Variants in RIMS1 observed in about 807,000 individuals in gnomAD.
The protein encoded by RIMS1 is regulating synaptic membrane exocytosis 1.
Under a neutral mutation model 214.1 loss-of-function variants are expected in RIMS1, and 83 were observed. That is an observed-to-expected ratio of 0.39 (90% CI 0.32 to 0.47). The LOEUF is 0.47. RIMS1 is among the 20% of genes least tolerant of loss of function. RIMS1 has a pLI of 0.99. For missense variants in RIMS1, 2,050 were observed against 2,161.8 expected, an observed-to-expected ratio of 0.95 and a Z score of 1.03; for synonymous variants, 793 against 786.8, an observed-to-expected ratio of 1.01 and a Z score of -0.13.
intron 4 of RIMS1, among the ~76,000 whole-genome samples, chr6:72,178,811 T>A (rs758824457): frequency 4.6e-5 from 7 of 152,182 alleles, no homozygotes; most frequent in Non-Finnish European, 1.0e-4. Flanking sequence ...AGACATATAG[T>A]TTATTTTAAG....
chr6:71,950,254 G>A (rs183557222), intron 1 of RIMS1, among the ~76,000 whole-genome samples: 15 of 152,172 alleles, frequency 9.9e-5, no homozygotes, highest in South Asian at 2.1e-4. Context: ...AAGTCTTTTG[G>A]GTGATACAAG....
At chr6:72,384,061 A>G (rs2098543477) in intron 29 of RIMS1, among the ~76,000 whole-genome samples, 1 of 152,110 alleles carries the variant, frequency 6.6e-6, no homozygotes, top group Non-Finnish European at 1.5e-5. Flanking sequence ...TCCATCAGAG[A>G]CTGCTTTGGC....
At chr6:72,382,663 C>A (rs543942777) in intron 29 of RIMS1, among the ~76,000 whole-genome samples, 1 of 152,170 alleles carries the variant, frequency 6.6e-6, no homozygotes, top group African/African-American at 2.4e-5. Flanking sequence ...GTGTTTACTT[C>A]TCTGGCTTCA....
At chr6:72,291,863 A>G (rs974714543) in intron 25 of RIMS1, 71 bp from the exon 26 acceptor site, 13 of 1,111,246 alleles carry the variant, frequency 1.2e-5, no homozygotes, top group Non-Finnish European at 1.6e-5. Context: ...CGTAACAGAA[A>G]GGAGGAAAGA....
chr6:71,956,509 A>G (rs746820358), intron 1 of RIMS1, among the ~76,000 whole-genome samples: 45 of 152,190 alleles, frequency 3.0e-4, no homozygotes, highest in Admixed American at 3.3e-4. Flanking sequence ...TAAGAGGAAT[A>G]TCACTTTTCT....
chr6:71,955,884 G>A (rs1291111516), intron 1 of RIMS1, among the ~76,000 whole-genome samples: 1 of 152,034 alleles, frequency 6.6e-6, no homozygotes, highest in African/African-American at 2.4e-5. Context: ...GAGTTACATA[G>A]CAACAAACTA....
chr6:72,168,026 G>A (rs942321833), intron 4 of RIMS1, among the ~76,000 whole-genome samples: 13 of 151,972 alleles, frequency 8.6e-5, no homozygotes, highest in African/African-American at 3.1e-4. Context: ...ATTTATTGCA[G>A]GAGCAATAAA....
chr6:72,197,080 T>C (rs183346429), intron 6 of RIMS1, among the ~76,000 whole-genome samples: 1 of 152,072 alleles, frequency 6.6e-6, no homozygotes, highest in Non-Finnish European at 1.5e-5. Context: ...AAAAATCAGA[T>C]ACTAGGAGTA....
chr6:72,265,328 T>G, intron 20 of RIMS1, 62 bp from the exon 21 acceptor site: 1 of 931,680 alleles, frequency 1.1e-6, no homozygotes. Context: ...TATATTGTTG[T>G]ACTTGTTGAT....
At chr6:71,981,008 AAAG>A (rs1317745513) in intron 2 of RIMS1, among the ~76,000 whole-genome samples, 1 of 152,152 alleles carries the variant, frequency 6.6e-6, no homozygotes, top group African/African-American at 2.4e-5. Context: ...AATCCACAGA[AAAG>A]AAGATTCTGT....
intron 29 of RIMS1, among the ~76,000 whole-genome samples, chr6:72,353,580 G>A (rs1314918400): frequency 6.6e-6 from 1 of 152,182 alleles, no homozygotes; most frequent in Non-Finnish European, 1.5e-5. Flanking sequence ...TTCATGTCCA[G>A]GCTTTATGAG....
At chr6:72,340,923 T>C (rs1006980386) in intron 29 of RIMS1, among the ~76,000 whole-genome samples, 5 of 152,130 alleles carry the variant, frequency 3.3e-5, no homozygotes, top group African/African-American at 9.7e-5. Context: ...GAGCATGGAA[T>C]GTTCTTCCAT....
At chr6:72,256,100 A>G (rs918002813) in intron 16 of RIMS1, among the ~76,000 whole-genome samples, 2 of 152,116 alleles carry the variant, frequency 1.3e-5, no homozygotes, top group Non-Finnish European at 1.5e-5. Flanking sequence ...ACAATAACGT[A>G]AACATAATGT....
At chr6:72,070,907 G>A (rs73549409) in intron 2 of RIMS1, among the ~76,000 whole-genome samples, 2,444 of 152,246 alleles carry the variant, frequency 0.016, 82 homozygotes, top group African/African-American at 0.056. Context: ...TGTATAGCCT[G>A]TGAGGTATGA....
At chr6:72,354,859 G>A (rs2097575901) in intron 29 of RIMS1, among the ~76,000 whole-genome samples, 2 of 152,252 alleles carry the variant, frequency 1.3e-5, no homozygotes, top group South Asian at 4.1e-4. Context: ...CCTGAGGTCT[G>A]CCCTGTTGCT....
chr6:72,392,375 T>G (rs2098715477), intron 30 of RIMS1, among the ~76,000 whole-genome samples: 1 of 152,196 alleles, frequency 6.6e-6, no homozygotes, highest in South Asian at 2.1e-4. Context: ...CTGTGTGAAG[T>G]TTATGATATA....
chr6:72,058,195 C>T (rs1228472023), intron 2 of RIMS1, among the ~76,000 whole-genome samples: 1 of 152,184 alleles, frequency 6.6e-6, no homozygotes, highest in Non-Finnish European at 1.5e-5. Flanking sequence ...ACTTTCTGAC[C>T]TTGACCTTTA....
chr6:72,308,942 G>A (rs997484941), intron 27 of RIMS1, among the ~76,000 whole-genome samples: 8 of 152,138 alleles, frequency 5.3e-5, no homozygotes, highest in Non-Finnish European at 1.0e-4. Context: ...GAATTAGAAG[G>A]CAGGGTAATT....
chr6:72,170,178 C>T (rs1588471329), intron 4 of RIMS1, among the ~76,000 whole-genome samples: 1 of 149,122 alleles, frequency 6.7e-6, no homozygotes, highest in African/African-American at 2.5e-5. Flanking sequence ...ACCTGCATAG[C>T]TTACTCTTAC....
Sources: gnomAD v4.1 joint callset for allele counts (sites outside exome capture counted in the v4.1 genomes callset) on GRCh38, gnomAD v4.1.1 for gene constraint, MANE v1.5 for transcripts, NCBI Gene and HGNC (gene_info 2026-07-23, HGNC 2026-07-21) for gene names.